NFE2L2: variants seen among roughly 807,000 people sequenced by gnomAD.
NFE2L2 encodes the protein NFE2 like bZIP transcription factor 2.
In NFE2L2, 20 loss-of-function variants were observed where a neutral mutation model predicts 49.6. That is an observed-to-expected ratio of 0.40 (90% CI 0.28 to 0.59). The LOEUF is 0.59. NFE2L2 is among the 20% of genes least tolerant of loss of function. The pLI, the probability that NFE2L2 is intolerant of heterozygous loss-of-function variation, is 0.40. For missense variants in NFE2L2, 578 were observed against 714.2 expected, an observed-to-expected ratio of 0.81 and a Z score of 2.17; for synonymous variants, 244 against 256.5, an observed-to-expected ratio of 0.95 and a Z score of 0.47.
At chr2:177,262,781 TA>T (rs1417316415) in intron 1 of NFE2L2, among the ~76,000 whole-genome samples, 2 of 152,204 alleles carry the variant, frequency 1.3e-5, no homozygotes, top group Non-Finnish European at 2.9e-5. Flanking sequence ...TCAGAAAAAC[TA>T]AAGTTCATTT....
chr2:177,263,804 C>T (rs1456673333), intron 1 of NFE2L2: 4 of 985,402 alleles, frequency 4.1e-6, no homozygotes, highest in Non-Finnish European at 4.8e-6. Flanking sequence ...AGAAAGTGCG[C>T]GGGGCCCGGC....
chr2:177,233,934 G>T, intron 2 of NFE2L2, 71 bp downstream of exon 2: 1 of 1,566,510 alleles, frequency 6.4e-7, no homozygotes, highest in South Asian at 1.2e-5. Flanking sequence ...CTCAAATCCA[G>T]ATATTTTAAT....
chr2:177,264,116 C>G (rs749356695), intron 1 of NFE2L2, among the ~76,000 whole-genome samples: 31 of 152,246 alleles, frequency 2.0e-4, no homozygotes, highest in African/African-American at 7.2e-4. Context: ...GGGAGCCGCG[C>G]AGCCCCGGAA....
chr2:177,264,386 C>T, intron 1 of NFE2L2, 146 bp downstream of exon 1: 2 of 758,706 alleles, frequency 2.6e-6, no homozygotes, highest in East Asian at 3.5e-5. Flanking sequence ...CCGGCGCAAG[C>T]GCGGCGGCTC....
At chr2:177,261,663 A>C (rs1415959889) in intron 1 of NFE2L2, among the ~76,000 whole-genome samples, 1 of 152,188 alleles carries the variant, frequency 6.6e-6, no homozygotes, top group African/African-American at 2.4e-5. Flanking sequence ...GAAACCAGGG[A>C]TAATAATATT....
intron 1 of NFE2L2, 104 bp downstream of exon 1, chr2:177,264,428 A>C: frequency 8.0e-7 from 1 of 1,244,204 alleles, no homozygotes; most frequent in Non-Finnish European, 1.1e-6. Context: ...CTCTGGCCAG[A>C]CGTGGGGGAA....
intron 1 of NFE2L2, among the ~76,000 whole-genome samples, chr2:177,248,512 C>A (rs370023959): frequency 6.6e-5 from 10 of 152,244 alleles, no homozygotes; most frequent in African/African-American, 2.4e-4. Flanking sequence ...CGGGTTCAAG[C>A]GATTCTCTTG....
intron 1 of NFE2L2, among the ~76,000 whole-genome samples, chr2:177,238,674 A>G (rs1689839926): frequency 6.6e-6 from 1 of 152,264 alleles, no homozygotes; most frequent in Non-Finnish European, 1.5e-5. Flanking sequence ...GGGGGAGCCT[A>G]AAATAATGTT....
rs549824734 is a variant in NFE2L2, at chr2:177,251,958, A to C, written c.45+12574T>G. 7.6e-5 allele frequency among the ~76,000 whole-genome samples: 11 copies of C among 145,316 alleles called. 1 individual carries two copies. In the South Asian group the frequency reaches 2.0e-3, roughly 26 times the overall value. On this transcript the variant is annotated intron_variant, in intron 1 of 4. Transcript: ENST00000397062. ...GAGGCGGAGCTTGCAGTGAGCCGAGATCACACCAGTCCAGCCTGGGCGACA... is the reference window on the plus strand; with the variant it reads ...GAGGCGGAGCTTGCAGTGAGCCGAGCTCACACCAGTCCAGCCTGGGCGACA...
chr2:177,233,242 T>C lies in NFE2L2; in HGVS notation c.402+8A>G, dbSNP rs374195236. On this transcript the variant is annotated splice_region_variant and intron_variant, in intron 3 of 4. Transcript: ENST00000397062. The stretch of plus-strand genomic sequence containing the variant: ...TTTTTCTATTAACCAGGTTATTTTA[T>C]ACCTCACCTCATTGTCATCTACAAA... 67 of 1,580,858 alleles carry C rather than the reference T, an allele frequency of 4.2e-5. No homozygotes were observed. The African/African-American group carries it at 8.6e-4, about 20-fold the overall frequency.
intron 3 of NFE2L2, chr2:177,232,923 AGCTG>A (rs1240157170): frequency 4.2e-6 from 2 of 479,882 alleles, no homozygotes; most frequent in Non-Finnish European, 7.3e-6. Context: ...TTTATTGCCC[AGCTG>A]GCTCTTTACT....
chr2:177,246,392 G>A (rs1690130951), intron 1 of NFE2L2, among the ~76,000 whole-genome samples: 1 of 152,122 alleles, frequency 6.6e-6, no homozygotes. Flanking sequence ...TAGATACCAG[G>A]TGTACATGGT....
intron 2 of NFE2L2, chr2:177,233,796 T>C: frequency 6.3e-6 from 4 of 636,512 alleles, no homozygotes; most frequent in Non-Finnish European, 2.7e-6. Context: ...GTCTTCCCAA[T>C]CCTCACAATA....
At chr2:177,263,989 G>A in intron 1 of NFE2L2, 1 of 973,612 alleles carries the variant, frequency 1.0e-6, no homozygotes, top group Middle Eastern at 5.3e-4. Context: ...GTCGCAGCCC[G>A]CACTCAAGGA....
At chr2:177,232,686 G>A (rs1689596995) in intron 3 of NFE2L2, 103 bp from the exon 4 acceptor site, 2 of 1,131,106 alleles carry the variant, frequency 1.8e-6, no homozygotes, top group Non-Finnish European at 2.5e-6. Context: ...GCAGTTCTGT[G>A]TCTCTCTACT....
At chr2:177,254,117 T>C (rs1416078458) in intron 1 of NFE2L2, among the ~76,000 whole-genome samples, 1 of 152,180 alleles carries the variant, frequency 6.6e-6, no homozygotes, top group East Asian at 1.9e-4. Flanking sequence ...TCCTTGAAAA[T>C]TAAAATAGTA....
intron 1 of NFE2L2, among the ~76,000 whole-genome samples, chr2:177,241,928 G>A (rs1689951333): frequency 6.6e-6 from 1 of 152,204 alleles, no homozygotes; most frequent in African/African-American, 2.4e-5. Context: ...ATTAGATAAA[G>A]CAAAATGACA....
intron 1 of NFE2L2, among the ~76,000 whole-genome samples, chr2:177,246,081 T>C (rs1338161543): frequency 6.6e-6 from 1 of 152,200 alleles, no homozygotes; most frequent in Non-Finnish European, 1.5e-5. Flanking sequence ...AGACACGTTC[T>C]GGAAACCACT....
intron 1 of NFE2L2, among the ~76,000 whole-genome samples, chr2:177,256,821 G>A (rs1244316345): frequency 6.6e-6 from 1 of 152,234 alleles, no homozygotes; most frequent in Non-Finnish European, 1.5e-5. Context: ...AACCTTGGCT[G>A]TGGAGGCCAC....
Sources: gnomAD v4.1 joint callset for allele counts (sites outside exome capture counted in the v4.1 genomes callset) on GRCh38, gnomAD v4.1.1 for gene constraint, MANE v1.5 for transcripts, NCBI Gene and HGNC (gene_info 2026-07-23, HGNC 2026-07-21) for gene names.